KALRN: variants seen among roughly 807,000 people sequenced by gnomAD.
KALRN encodes the protein kalirin.
KALRN carries 70 observed loss-of-function variants against 353.7 expected under a neutral mutation model. The observed-to-expected ratio is 0.20, with a 90% CI of 0.16 to 0.24. KALRN has a LOEUF of 0.24. KALRN is among the 10% of genes least tolerant of loss of function. The probability of loss-of-function intolerance (pLI) is 1.00; values close to 1 mark genes in which losing one functional copy is unlikely to be tolerated. For missense variants in KALRN, 2,791 were observed against 3,756.7 expected (o/e 0.74, Z 6.72); for synonymous variants, 1,391 against 1,434.8 (o/e 0.97, Z 0.69).
At chr3:124,546,387 C>T (rs1415413377) in intron 33 of KALRN, among the ~76,000 whole-genome samples, 1 of 151,806 alleles carries the variant, frequency 6.6e-6, no homozygotes, top group African/African-American at 2.4e-5. Context: ...TCACTTGAAC[C>T]TGGCAGGTCA....
chr3:124,443,189 T>C (rs2093723008), intron 19 of KALRN, among the ~76,000 whole-genome samples: 2 of 152,254 alleles, frequency 1.3e-5, no homozygotes, highest in Non-Finnish European at 2.9e-5. Context: ...TATCTGACCA[T>C]GTGAAACTTA....
intron 33 of KALRN, among the ~76,000 whole-genome samples, chr3:124,541,579 A>G: frequency 6.6e-6 from 1 of 151,850 alleles, no homozygotes; most frequent in Non-Finnish European, 1.5e-5. Context: ...TGCTTGGAAA[A>G]GAGCTCTCTC....
chr3:124,592,499 C>T (rs1228025696), intron 34 of KALRN, among the ~76,000 whole-genome samples: 1 of 151,744 alleles, frequency 6.6e-6, no homozygotes, highest in African/African-American at 2.4e-5. Context: ...TGTGCCTTGA[C>T]TTTGGTTAGC....
intron 59 of KALRN, among the ~76,000 whole-genome samples, 193 bp downstream of exon 59, chr3:124,717,578 C>T (rs1405667150): frequency 6.6e-6 from 1 of 151,840 alleles, no homozygotes; most frequent in East Asian, 2.0e-4. Flanking sequence ...CACCTGTAGT[C>T]CCAGCAACTT....
intron 51 of KALRN, among the ~76,000 whole-genome samples, chr3:124,680,452 T>G (rs1169646205): frequency 6.6e-6 from 1 of 152,238 alleles, no homozygotes; most frequent in Non-Finnish European, 1.5e-5. Flanking sequence ...TCAGAGAATG[T>G]TTTTCTCCAG....
chr3:124,539,024 G>T (rs999004594), intron 33 of KALRN, among the ~76,000 whole-genome samples: 1 of 152,138 alleles, frequency 6.6e-6, no homozygotes, highest in South Asian at 2.1e-4. Context: ...GTGCCTGGGG[G>T]GCTGGTGCAG....
intron 15 of KALRN, among the ~76,000 whole-genome samples, chr3:124,425,642 C>A (rs1218467083): frequency 6.6e-6 from 1 of 152,158 alleles, no homozygotes; most frequent in Non-Finnish European, 1.5e-5. Flanking sequence ...AAAATCATTC[C>A]TATTTGACTT....
rs570423183 is a variant in KALRN at position 124,206,347 on chromosome 3, G to C, written c.74-21643G>C. On this transcript the variant is annotated intron_variant, in intron 1 of 59. Coordinates refer to ENST00000682506, the MANE Select transcript of KALRN (RefSeq NM_001388419.1). Reference sequence around the variant, plus strand: ...GGACATACATGTGGGATGATTTTATGAGCCAGTCCTGGAAGTGGCATATGA... The same window carrying C: ...GGACATACATGTGGGATGATTTTATCAGCCAGTCCTGGAAGTGGCATATGA... Among the ~76,000 whole-genome samples, 401 of 152,266 alleles carry C rather than the reference G, an allele frequency of 2.6e-3. 1 individual carries two copies. The highest frequency in any genetic ancestry group is 4.8e-3 in the Non-Finnish European group (327 of 68,004).
intron 51 of KALRN, among the ~76,000 whole-genome samples, chr3:124,691,738 G>A (rs1055775975): frequency 8.5e-5 from 13 of 152,232 alleles, no homozygotes; most frequent in African/African-American, 3.1e-4. Flanking sequence ...TGACTGACTG[G>A]GATGCCATTC....
chr3:124,657,791 C>G lies in KALRN; in HGVS notation c.6024C>G (p.Leu2008=). Residue 2008 remains leucine, a synonymous_variant, in exon 41 of 60, where the codon CTC becomes CTG. Coordinates refer to ENST00000682506, the MANE Select transcript of KALRN (RefSeq NM_001388419.1). ...AGGAGCAAGACAGATTGGCACAGCTCTTTATTAAGCACGTGAGTGTCTCCC... is the reference window on the plus strand; with the variant it reads ...AGGAGCAAGACAGATTGGCACAGCTGTTTATTAAGCACGTGAGTGTCTCCC... The part of the protein sequence containing the change: ...CIQEQDRLAQ[L]FIKHERKLHI... 1 of 1,612,084 alleles carries G rather than the reference C, an allele frequency of 6.2e-7. No homozygotes were observed. Among genetic ancestry groups the G allele is most frequent in the Non-Finnish European group, 8.5e-7 (1 of 1,178,156 alleles).
intron 1 of KALRN, among the ~76,000 whole-genome samples, chr3:124,221,594 A>G (rs1207846646): frequency 1.3e-5 from 2 of 152,134 alleles, no homozygotes; most frequent in East Asian, 3.8e-4. Context: ...TTAGAGAGAG[A>G]TTTAAGAGGT....
intron 5 of KALRN, among the ~76,000 whole-genome samples, chr3:124,286,030 A>T (rs544422279): frequency 7.2e-6 from 1 of 138,212 alleles, no homozygotes; most frequent in Admixed American, 7.4e-5. Flanking sequence ...CTGTGCTTCT[A>T]TTTGCTTTTC....
intron 21 of KALRN, among the ~76,000 whole-genome samples, chr3:124,450,220 T>A (rs2058647938): frequency 6.6e-6 from 1 of 152,232 alleles, no homozygotes; most frequent in African/African-American, 2.4e-5. Flanking sequence ...TTACTGTGTC[T>A]TTTTATATAG....
intron 43 of KALRN, 46 bp from the exon 44 acceptor site, chr3:124,660,876 TA>T: frequency 1.5e-6 from 2 of 1,348,444 alleles, no homozygotes; most frequent in East Asian, 2.3e-5. Flanking sequence ...GCTATTTTAC[TA>T]ATTTTACCCC....
chr3:124,703,998 C>T (rs779010547), intron 57 of KALRN, among the ~76,000 whole-genome samples: 1 of 152,110 alleles, frequency 6.6e-6, no homozygotes, highest in Non-Finnish European at 1.5e-5. Context: ...GTAAAGGAAA[C>T]TCAGGGTCAG....
chr3:124,648,361 A>G (rs568496977), intron 37 of KALRN, among the ~76,000 whole-genome samples: 42 of 152,212 alleles, frequency 2.8e-4, no homozygotes, highest in Non-Finnish European at 5.3e-4. Flanking sequence ...GTCAGGTAGG[A>G]GGAGATGGAA....
At chr3:124,120,468 T>C (rs890058756) in intron 1 of KALRN, among the ~76,000 whole-genome samples, 9 of 152,138 alleles carry the variant, frequency 5.9e-5, no homozygotes, top group Non-Finnish European at 1.2e-4. Flanking sequence ...GGACTGTCAC[T>C]TAGAACTGAC....
At chr3:124,560,879 G>A (rs931288376) in intron 33 of KALRN, among the ~76,000 whole-genome samples, 5 of 152,272 alleles carry the variant, frequency 3.3e-5, no homozygotes, top group African/African-American at 1.2e-4. Context: ...CCTGTCTGGG[G>A]GCAGTGGAAG....
intron 37 of KALRN, among the ~76,000 whole-genome samples, chr3:124,642,806 G>GTTTTTTTGTTGTTGTTGTTGTTTT (rs1553707032): frequency 8.3e-5 from 8 of 96,840 alleles, no homozygotes; most frequent in Non-Finnish European, 1.5e-4. Flanking sequence ...CCCAAGCCTC[G>GTTTTTTTGTTGTTGTTGTTGTTTT]TTTTTTTTTT....
Sources: gnomAD v4.1 joint callset for allele counts (sites outside exome capture counted in the v4.1 genomes callset) on GRCh38, gnomAD v4.1.1 for gene constraint, MANE v1.5 for transcripts, NCBI Gene and HGNC (gene_info 2026-07-23, HGNC 2026-07-21) for gene names.